The following LARP1B variants were observed in gnomAD, a reference collection of about 807,000 sequenced individuals.
LARP1B encodes la-related protein 1B.
LARP1B carries 76 observed loss-of-function variants against 114.2 expected under a neutral mutation model. That is an observed-to-expected ratio of 0.67 (90% CI 0.55 to 0.81). The LOEUF is 0.81. LARP1B is among the 30% of genes least tolerant of loss of function. The pLI, the probability that LARP1B is intolerant of heterozygous loss-of-function variation, is 0.00. For synonymous variants in LARP1B, 345 were observed against 348.0 expected, an observed-to-expected ratio of 0.99 and a Z score of 0.10; for missense variants, 1,014 against 1,075.8, an observed-to-expected ratio of 0.94 and a Z score of 0.80.
intron 10 of LARP1B, among the ~76,000 whole-genome samples, chr4:128,115,570 C>CA (rs1000825067): frequency 7.3e-5 from 11 of 151,536 alleles, no homozygotes; most frequent in African/African-American, 2.2e-4. Flanking sequence ...GACCCTGTCT[C>CA]AAAAAAAAGA....
intron 6 of LARP1B, among the ~76,000 whole-genome samples, chr4:128,220,051 A>G (rs1160320730): frequency 6.6e-6 from 1 of 151,892 alleles, no homozygotes; most frequent in Non-Finnish European, 1.5e-5. Flanking sequence ...ACGCCCGGCT[A>G]ATTTTTTATT....
intron 7 of LARP1B, among the ~76,000 whole-genome samples, chr4:128,093,835 C>G (rs962483049): frequency 2.0e-5 from 3 of 150,954 alleles, no homozygotes; most frequent in African/African-American, 4.9e-5. Flanking sequence ...CTCAGCCTCC[C>G]GAGTGGCTGT....
At chr4:128,101,927 G>A (rs1283623412) in intron 8 of LARP1B, among the ~76,000 whole-genome samples, 3 of 151,898 alleles carry the variant, frequency 2.0e-5, no homozygotes. Context: ...ATGCCTTTTT[G>A]GTCTGTTTGT....
intron 11 of LARP1B, among the ~76,000 whole-genome samples, chr4:128,125,850 A>G (rs1458404647): frequency 1.3e-5 from 2 of 152,230 alleles, no homozygotes; most frequent in African/African-American, 4.8e-5. Flanking sequence ...ATGCAACCCA[A>G]GTTCATACTC....
intron 12 of LARP1B, among the ~76,000 whole-genome samples, chr4:128,166,210 T>C (rs1256118612): frequency 1.3e-5 from 2 of 152,054 alleles, no homozygotes; most frequent in Non-Finnish European, 2.9e-5. Flanking sequence ...ATTTTTCCAG[T>C]TGCACAGGTC....
At chr4:128,110,696 T>A (rs1200627499) in intron 9 of LARP1B, among the ~76,000 whole-genome samples, 1 of 82,786 alleles carries the variant, frequency 1.2e-5, no homozygotes, top group African/African-American at 4.3e-5. Flanking sequence ...AAAAAAAAGA[T>A]GCAGCAGACC....
rs1157716725 is a variant in LARP1B, at chr4:128,107,193, A to G, written c.868A>G (p.Ile290Val). 6.2e-6 allele frequency: 10 copies of G among 1,614,214 alleles called. No individual in the cohort carries two copies. The highest frequency in any genetic ancestry group is 1.1e-5 in the South Asian group (1 of 91,080). ...EIVDEKMRKK[I>V]EPEKWPIPGP... ...TGTGGATGAGAAAATGAGAAAAAAG[A>G]TAGAACCAGAAAAATGGCCAATTCC... Residue 290 changes from isoleucine to valine, a missense_variant, in exon 9 of 20, where the codon ATA (isoleucine) becomes GTA (valine). By Grantham distance (29) the Ile-to-Val change is conservative. Transcript: ENST00000326639.
At chr4:128,220,407 C>T (rs1487201949) in exon 7 of LARP1B, 21 of 928,940 alleles carry the variant, frequency 2.3e-5, no homozygotes, top group African/African-American at 7.1e-5. Context: ...GATGGCAAAA[C>T]GGAATGTCAG....
chr4:128,108,312 G>C, intron 9 of LARP1B: 1 of 1,017,152 alleles, frequency 9.8e-7, no homozygotes, highest in Non-Finnish European at 1.2e-6. Flanking sequence ...GCATTTCCCA[G>C]ATTCTTAAGT....
In LARP1B at chr4:128,110,445, G is replaced by A. The variant is rs1311909520; in HGVS notation, c.988+3132G>A. 8.0e-5 allele frequency among the ~76,000 whole-genome samples: 12 copies of A among 150,264 alleles called. No homozygotes were observed. In the East Asian group the frequency reaches 1.2e-3, roughly 15 times the overall value. ...AAAAAAAGATTTGGGAGGCCGAGGC[G>A]GGCGGATCACGAGGTCAGGAGATCG... On this transcript the variant is annotated intron_variant, in intron 9 of 19. Coordinates refer to ENST00000326639, the MANE Select transcript of LARP1B (RefSeq NM_018078.4).
intron 7 of LARP1B, among the ~76,000 whole-genome samples, chr4:128,096,932 G>A (rs1706466097): frequency 6.8e-6 from 1 of 146,680 alleles, no homozygotes; most frequent in Admixed American, 6.8e-5. Flanking sequence ...AGACAGTCTT[G>A]CTCTCGCCCA....
chr4:128,098,747 G>GTGTGTGTGTATATATATA, intron 8 of LARP1B, among the ~76,000 whole-genome samples: 5 of 15,586 alleles, frequency 3.2e-4, no homozygotes, highest in Middle Eastern at 0.05. Flanking sequence ...ATATGTATGT[G>GTGTGTGTGTATATATATA]TATATATATA....
chr4:128,086,148 C>T (rs1158457181), intron 5 of LARP1B, among the ~76,000 whole-genome samples: 1 of 151,616 alleles, frequency 6.6e-6, no homozygotes, highest in East Asian at 1.9e-4. Flanking sequence ...GGACTACAAG[C>T]ACCTGCCAGC....
intron 12 of LARP1B, 89 bp downstream of exon 12, chr4:128,162,406 T>C: frequency 1.7e-6 from 2 of 1,189,336 alleles, no homozygotes; most frequent in South Asian, 3.7e-5. Context: ...TTTTCTTTAT[T>C]TGTGGAAAAT....
At chr4:128,087,431 T>C (rs936426372) in intron 5 of LARP1B, among the ~76,000 whole-genome samples, 6 of 152,350 alleles carry the variant, frequency 3.9e-5, no homozygotes, top group African/African-American at 1.4e-4. Flanking sequence ...GGTAAATGTA[T>C]TTTGATTAAA....
intron 15 of LARP1B, among the ~76,000 whole-genome samples, chr4:128,197,867 A>T (rs1336843653): frequency 6.6e-6 from 1 of 151,302 alleles, no homozygotes; most frequent in East Asian, 1.9e-4. Context: ...TTGCTTTAAG[A>T]AAACGATTGT....
At chr4:128,082,378 A>C in intron 5 of LARP1B, 73 bp downstream of exon 5, 1 of 1,339,502 alleles carries the variant, frequency 7.5e-7, no homozygotes, top group East Asian at 2.3e-5. Context: ...TAGTAACCAC[A>C]TGTATAAACC....
chr4:128,208,872 A>G (rs1472018071), intron 19 of LARP1B, among the ~76,000 whole-genome samples: 1 of 152,206 alleles, frequency 6.6e-6, no homozygotes, highest in African/African-American at 2.4e-5. Flanking sequence ...GCTAACGATA[A>G]TTTAACTTGG....
At chr4:128,122,614 T>C in intron 11 of LARP1B, 2 of 1,468,578 alleles carry the variant, frequency 1.4e-6, no homozygotes, top group Non-Finnish European at 1.8e-6. Context: ...TAGAGAGCAC[T>C]CTTCTTGCCT....
Sources: gnomAD v4.1 joint callset for allele counts (sites outside exome capture counted in the v4.1 genomes callset) on GRCh38, gnomAD v4.1.1 for gene constraint, MANE v1.5 for transcripts, NCBI Gene and HGNC (gene_info 2026-07-23, HGNC 2026-07-21) for gene names.